The following ART3 variants were observed in gnomAD, a reference collection of about 807,000 sequenced individuals.
ART3 encodes ADP-ribosyltransferase 3 (inactive), also known as ecto-ADP-ribosyltransferase 3.
ART3 carries 49 observed loss-of-function variants against 48.5 expected under a neutral mutation model. That is an observed-to-expected ratio of 1.01 (90% CI 0.80 to 1.28). The LOEUF (loss-of-function observed/expected upper bound fraction) is 1.28, where lower values mean the gene tolerates loss of function less well. Among genes scored for constraint, ART3 ranks in the 50% most tolerant of loss-of-function variants. The pLI is 0.00. For missense variants in ART3, 438 were observed against 454.3 expected (o/e 0.96, Z 0.33); for synonymous variants, 145 against 157.2 (o/e 0.92, Z 0.58).
chr4:76,073,734 T>C (rs1720566860), upstream of ART3, among the ~76,000 whole-genome samples: 1 of 152,222 alleles, frequency 6.6e-6, no homozygotes, highest in Non-Finnish European at 1.5e-5. Flanking sequence ...GTGACCACTA[T>C]TCTGACTTCT....
intron 10 of ART3, chr4:76,106,420 C>A: frequency 1.0e-6 from 1 of 955,940 alleles, no homozygotes; most frequent in Non-Finnish European, 1.2e-6. Flanking sequence ...AGAAAACAAA[C>A]TTGAGAGGCG....
At chr4:76,046,400 A>G (rs1019359222) in intron 1 of ART3, among the ~76,000 whole-genome samples, 3 of 152,066 alleles carry the variant, frequency 2.0e-5, no homozygotes, top group African/African-American at 7.2e-5. Flanking sequence ...ATCTTGCACT[A>G]GTCTCCACTG....
intron 2 of ART3, among the ~76,000 whole-genome samples, chr4:76,080,973 T>C (rs1313649513): frequency 2.6e-5 from 4 of 152,220 alleles, no homozygotes; most frequent in African/African-American, 9.7e-5. Flanking sequence ...TGTGAACATA[T>C]GTATATGTAT....
chr4:76,016,698 C>T (rs1295269532), intron 1 of ART3, among the ~76,000 whole-genome samples: 3 of 152,182 alleles, frequency 2.0e-5, no homozygotes, highest in Admixed American at 2.0e-4. Flanking sequence ...CCCAGAGATG[C>T]TGTCTGGGAG....
At chr4:76,022,811 G>A in intron 1 of ART3, 1 of 1,608,262 alleles carries the variant, frequency 6.2e-7, no homozygotes, top group African/African-American at 1.3e-5. Context: ...TCTAGAGAGA[G>A]GTACTCCTGT....
chr4:76,096,194 G>A (rs1725977917), intron 3 of ART3, among the ~76,000 whole-genome samples: 1 of 152,174 alleles, frequency 6.6e-6, no homozygotes, highest in African/African-American at 2.4e-5. Context: ...AAAGTGCTGA[G>A]ATTACAGGTG....
At chr4:76,087,814 T>C (rs17001362) in intron 3 of ART3, among the ~76,000 whole-genome samples, 2,226 of 152,316 alleles carry the variant, frequency 0.015, 68 homozygotes, top group African/African-American at 0.05. Flanking sequence ...AACAGAAACC[T>C]TTCTCCTTCC....
chr4:76,043,965 C>T lies in ART3; in HGVS notation c.-9-31916C>T, dbSNP rs1203379585. Among the ~76,000 whole-genome samples the T allele has an allele frequency of 2.0e-5, 3 of 151,968 alleles. 1 individual carries two copies. Among genetic ancestry groups the T allele is most frequent in the African/African-American group, 7.2e-5 (3 of 41,422 alleles). On this transcript the variant is annotated intron_variant, in intron 1 of 9. Transcript: ENST00000341029. ...GGGGCCCTGCAGTTGTAGTGTCCTT[C>T]AGAGGGGAACTCTCTAGGCCAGGGG...
At chr4:76,023,628 G>C in intron 1 of ART3, 2 of 505,796 alleles carry the variant, frequency 4.0e-6, no homozygotes, top group East Asian at 5.7e-5. Context: ...CCATGTTGCA[G>C]ACTCGAAGGT....
chr4:76,040,442 A>ACACACG (rs1734845421), intron 1 of ART3, among the ~76,000 whole-genome samples: 1 of 115,572 alleles, frequency 8.7e-6, no homozygotes, highest in African/African-American at 3.8e-5. Flanking sequence ...CTGGATACAC[A>ACACACG]CACACACACA....
chr4:76,023,348 A>G, intron 1 of ART3: 1 of 1,573,694 alleles, frequency 6.4e-7, no homozygotes, highest in Non-Finnish European at 8.7e-7. Flanking sequence ...TTTACAAATT[A>G]AGTATCCTTT....
chr4:76,028,703 G>A (rs1236181718), intron 1 of ART3, among the ~76,000 whole-genome samples: 1 of 152,148 alleles, frequency 6.6e-6, no homozygotes, highest in Non-Finnish European at 1.5e-5. Context: ...AAGATTCCCC[G>A]AGCTCACAGT....
intron 1 of ART3, among the ~76,000 whole-genome samples, chr4:76,059,275 C>A (rs1718960689): frequency 6.6e-6 from 1 of 151,928 alleles, no homozygotes; most frequent in Admixed American, 6.6e-5. Flanking sequence ...ATTGGTGGGG[C>A]AGGGGAAGAA....
At chr4:76,038,099 A>G (rs372965864) in intron 1 of ART3, among the ~76,000 whole-genome samples, 6 of 152,170 alleles carry the variant, frequency 3.9e-5, no homozygotes, top group African/African-American at 9.7e-5. Flanking sequence ...TCTGAGTAGC[A>G]TGATGAAATC....
chr4:76,058,592 G>A (rs1425426280), intron 1 of ART3: 1 of 151,836 alleles, frequency 6.6e-6, no homozygotes. Context: ...TGTTTCTTAG[G>A]CCAAAAAGAA....
intron 1 of ART3, 120 bp from the exon 2 acceptor site, chr4:76,075,761 C>A: frequency 2.8e-6 from 2 of 710,880 alleles, no homozygotes; most frequent in Non-Finnish European, 4.7e-6. Context: ...ATAATCACTT[C>A]CTGACCATCA....
chr4:76,071,507 C>G (rs1720315701), upstream of ART3, among the ~76,000 whole-genome samples: 1 of 152,086 alleles, frequency 6.6e-6, no homozygotes, highest in Admixed American at 6.6e-5. Context: ...TCTCCAATGT[C>G]TCCAATTCCT....
chr4:76,097,754 C>A, intron 4 of ART3, 78 bp downstream of exon 4: 1 of 1,135,098 alleles, frequency 8.8e-7, no homozygotes, highest in Non-Finnish European at 1.3e-6. Context: ...CAGAGCTACC[C>A]CACCACTGTA....
intron 1 of ART3, among the ~76,000 whole-genome samples, chr4:76,015,131 A>G (rs1185690272): frequency 2.0e-5 from 3 of 152,242 alleles, no homozygotes; most frequent in Admixed American, 6.5e-5. Context: ...AAAGGTAACT[A>G]TGTAGGTAAT....
Sources: allele counts gnomAD v4.1 joint callset (sites outside exome capture counted in the v4.1 genomes callset), GRCh38; gene constraint gnomAD v4.1.1; transcripts MANE v1.5; gene names NCBI Gene and HGNC (gene_info 2026-07-23, HGNC 2026-07-21).